The following DPP6 variants were observed in gnomAD, a reference collection of about 807,000 sequenced individuals.
DPP6 encodes A-type potassium channel modulatory protein DPP6.
A neutral mutation model predicts 122.6 loss-of-function variants in DPP6; 69 were observed. The observed-to-expected ratio is 0.56, with a 90% confidence interval of 0.46 to 0.69. DPP6 has a LOEUF of 0.69. Ranked by LOEUF, DPP6 falls within the 30% of genes least tolerant of loss-of-function variation. The pLI is 0.00. For synonymous variants in DPP6, 418 were observed against 433.1 expected, an observed-to-expected ratio of 0.97 and a Z score of 0.43; for missense variants, 928 against 1,116.9, an observed-to-expected ratio of 0.83 and a Z score of 2.41.
At position 154,516,105 on chromosome 7, in the gene DPP6, C is replaced by T. The variant is rs185226788; in HGVS notation, c.458-24427C>T. Among the ~76,000 whole-genome samples the T allele has an allele frequency of 5.5e-4, 83 of 152,266 alleles. 1 individual carries two copies. Among genetic ancestry groups the T allele is most frequent in the African/African-American group, 1.9e-3 (81 of 41,562 alleles). On this transcript the variant is annotated intron_variant, in intron 3 of 25. Coordinates refer to ENST00000377770, the MANE Select transcript of DPP6 (RefSeq NM_130797.4). ...TCTGGGGATAGTCCAGTGAACTTGA[C>T]AGAGTCTTCAAGGTCTTTCCTGGGG...
chr7:154,414,699 GC>G lies in DPP6; in HGVS notation c.244-31514del, dbSNP rs556622954. 3.3e-4 allele frequency among the ~76,000 whole-genome samples: 51 copies of G among 152,304 alleles called. No individual in the cohort carries two copies. In the South Asian group the frequency reaches 8.3e-3, roughly 25 times the overall value. On this transcript the variant is annotated intron_variant, in intron 1 of 25. Transcript: ENST00000377770. ...TCTGTGAGGTTGCCATCAGGTGTCG[GC>G]TGGGGCTGTGTCTTCTGAAGGATAG...
chr7:154,305,652 G>A, intron 1 of DPP6: 2 of 1,475,020 alleles, frequency 1.4e-6, no homozygotes, highest in South Asian at 2.5e-5. Context: ...GGGAGGATAT[G>A]TATTTGGGGA....
At chr7:154,230,704 C>A (rs1016548629) in intron 1 of DPP6, among the ~76,000 whole-genome samples, 1 of 152,192 alleles carries the variant, frequency 6.6e-6, no homozygotes, top group Admixed American at 6.5e-5. Context: ...CTCACCTCCT[C>A]ACCAAAAGAC....
intron 1 of DPP6, among the ~76,000 whole-genome samples, chr7:154,290,760 C>T (rs955099194): frequency 6.6e-6 from 1 of 152,240 alleles, no homozygotes; most frequent in East Asian, 1.9e-4. Context: ...GGGCTTCTTA[C>T]ATGAGCCATT....
At chr7:154,209,999 T>C (rs573943732) in intron 1 of DPP6, among the ~76,000 whole-genome samples, 1 of 152,182 alleles carries the variant, frequency 6.6e-6, no homozygotes, top group Non-Finnish European at 1.5e-5. Flanking sequence ...AAGTGCTGCC[T>C]GGAAACACCT....
At chr7:154,597,476 G>T (rs529761383) in intron 5 of DPP6, among the ~76,000 whole-genome samples, 1 of 152,198 alleles carries the variant, frequency 6.6e-6, no homozygotes, top group Admixed American at 6.5e-5. Context: ...AGCCAGGCGT[G>T]GTGGCAGGCA....
At chr7:154,608,045 T>G (rs1833663754) in intron 5 of DPP6, among the ~76,000 whole-genome samples, 1 of 131,488 alleles carries the variant, frequency 7.6e-6, no homozygotes, top group African/African-American at 2.6e-5. Context: ...AGTGGCACGA[T>G]CTCAGCTCAC....
intron 1 of DPP6, among the ~76,000 whole-genome samples, chr7:154,326,852 A>T (rs1183640556): frequency 1.3e-5 from 2 of 152,212 alleles, no homozygotes; most frequent in Non-Finnish European, 2.9e-5. Flanking sequence ...AATGATTGGA[A>T]CATTTAAAAG....
At chr7:154,330,684 C>A (rs1808849379) in intron 1 of DPP6, among the ~76,000 whole-genome samples, 1 of 152,212 alleles carries the variant, frequency 6.6e-6, no homozygotes, top group Non-Finnish European at 1.5e-5. Context: ...CCGTGTACTT[C>A]TGGTGTACTT....
At chr7:154,890,212 T>C (rs1315079024) in intron 25 of DPP6, 1 of 152,368 alleles carries the variant, frequency 6.6e-6, no homozygotes, top group African/African-American at 2.4e-5. Context: ...CAATGGTCTC[T>C]TCAGGTCCAA....
chr7:153,886,829 C>G (rs535317645), upstream of DPP6, among the ~76,000 whole-genome samples: 117 of 152,282 alleles, frequency 7.7e-4, no homozygotes, highest in Non-Finnish European at 1.5e-3. Context: ...CGGGCACAGC[C>G]GCGTCTGGCT....
chr7:154,539,413 A>G (rs1030466539), intron 3 of DPP6, among the ~76,000 whole-genome samples: 1 of 152,110 alleles, frequency 6.6e-6, no homozygotes, highest in African/African-American at 2.4e-5. Flanking sequence ...GTTCTCACTC[A>G]TAGGTGGGAA....
intron 8 of DPP6, among the ~76,000 whole-genome samples, chr7:154,729,896 G>A (rs752888769): frequency 1.2e-4 from 18 of 152,238 alleles, no homozygotes; most frequent in Non-Finnish European, 1.6e-4. Context: ...AGGGGACACA[G>A]TCTGCTGTAG....
intron 1 of DPP6, among the ~76,000 whole-genome samples, chr7:154,297,385 GGGCCAGGTTT>G (rs1361899299): frequency 1.3e-5 from 2 of 152,140 alleles, no homozygotes; most frequent in African/African-American, 4.8e-5. Flanking sequence ...AATAAGAAGG[GGGCCAGGTTT>G]GGCCCATGAG....
At chr7:153,971,557 A>C (rs39159) in intron 1 of DPP6, among the ~76,000 whole-genome samples, 7 of 124,478 alleles carry the variant, frequency 5.6e-5, no homozygotes, top group African/African-American at 8.3e-5. Flanking sequence ...GTTACTTGTC[A>C]GTTTCTCATA....
intron 1 of DPP6, among the ~76,000 whole-genome samples, chr7:153,917,175 C>T (rs1434922582): frequency 1.3e-5 from 2 of 152,168 alleles, no homozygotes; most frequent in African/African-American, 4.8e-5. Context: ...ATAGGGTCTA[C>T]AGTGTGATGA....
chr7:153,849,879 TC>T, the DPP6 span, among the ~76,000 whole-genome samples: 1 of 152,184 alleles, frequency 6.6e-6, no homozygotes, highest in Admixed American at 6.5e-5. Context: ...ATTTTAAGTG[TC>T]TTTTATTGAG....
chr7:154,517,350 G>A (rs777162246), intron 3 of DPP6, among the ~76,000 whole-genome samples: 2 of 152,114 alleles, frequency 1.3e-5, no homozygotes, highest in Admixed American at 6.6e-5. Context: ...AGAAGGAGAA[G>A]ATCCTACAGA....
At chr7:154,556,168 T>C (rs76005361) in intron 4 of DPP6, among the ~76,000 whole-genome samples, 4,314 of 152,320 alleles carry the variant, frequency 0.028, 100 homozygotes, top group East Asian at 0.094. Flanking sequence ...ATACTTATTA[T>C]GTACCAGGTA....
Sources: gnomAD v4.1 joint callset for allele counts (sites outside exome capture counted in the v4.1 genomes callset) on GRCh38, gnomAD v4.1.1 for gene constraint, MANE v1.5 for transcripts, NCBI Gene and HGNC (gene_info 2026-07-23, HGNC 2026-07-21) for gene names.